Variants in DMD observed in about 807,000 individuals in gnomAD.
DMD encodes mutant dystrophin.
Under a neutral mutation model 330.1 loss-of-function variants are expected in DMD, and 63 were observed. The ratio of observed to expected loss-of-function variants is 0.19; its 90% CI spans 0.16 to 0.24. The LOEUF is 0.24. Ranked by LOEUF, DMD falls within the 10% of genes least tolerant of loss-of-function variation. The probability of loss-of-function intolerance (pLI) is 1.00; values close to 1 mark genes in which losing one functional copy is unlikely to be tolerated. For synonymous variants in DMD, 1,223 were observed against 959.8 expected (o/e 1.27, Z -5.07); for missense variants, 3,344 against 2,684.1 (o/e 1.25, Z -5.43).
At position 32,846,124 on chromosome X, in the gene DMD, T is replaced by C. The variant is rs147896445; in HGVS notation, c.187-1264A>G. On this transcript the variant is annotated intron_variant, in intron 3 of 78. Coordinates refer to ENST00000357033, the MANE Select transcript of DMD (RefSeq NM_004006.3). ...TCACATAGTTGGTCCAACATAAATA[T>C]TATTGACTTCGTAGTATGTGCCAAG... Among the ~76,000 whole-genome samples, 948 of 111,962 alleles carry C rather than the reference T, an allele frequency of 8.5e-3. 9 individuals are homozygous for C. The highest frequency in any genetic ancestry group is 0.051 in the East Asian group (182 of 3,546).
At chrX:33,207,823 G>A (rs2051668540) in intron 1 of DMD, among the ~76,000 whole-genome samples, 1 of 111,292 alleles carries the variant, frequency 9.0e-6, no homozygotes, top group African/African-American at 3.3e-5. Flanking sequence ...TCAGTATACT[G>A]CATTGAGCAC....
chrX:32,138,982 G>A (rs1049709319), intron 44 of DMD, among the ~76,000 whole-genome samples: 4 of 112,167 alleles, frequency 3.6e-5, no homozygotes, highest in South Asian at 3.6e-4. Flanking sequence ...ACCACTGGAC[G>A]GAACTTTTTT....
At chrX:33,265,379 A>T (rs1453304770) in intron 1 of DMD, among the ~76,000 whole-genome samples, 2 of 110,775 alleles carry the variant, frequency 1.8e-5, no homozygotes. Context: ...TTATTTATTT[A>T]TTTTTTTGCT....
chrX:32,205,059 G>A (rs901030978), intron 44 of DMD, among the ~76,000 whole-genome samples: 26 of 56,499 alleles, frequency 4.6e-4, no homozygotes, highest in South Asian at 2.5e-3. Context: ...ACACACAGTC[G>A]CAATTAAAAC....
chrX:32,974,864 T>G (rs1446338916), intron 2 of DMD, among the ~76,000 whole-genome samples: 1 of 111,993 alleles, frequency 8.9e-6, no homozygotes, highest in East Asian at 2.8e-4. Flanking sequence ...GAAAGACCAA[T>G]TCCTCCTAAT....
At chrX:32,782,022 G>A (rs564358437) in intron 7 of DMD, among the ~76,000 whole-genome samples, 43 of 111,436 alleles carry the variant, frequency 3.9e-4, no homozygotes, top group African/African-American at 1.4e-3. Context: ...ATTGTTGCTT[G>A]TCTAATCCTA....
At chrX:32,709,527 C>G (rs1476513183) in intron 7 of DMD, among the ~76,000 whole-genome samples, 3 of 111,778 alleles carry the variant, frequency 2.7e-5, no homozygotes, top group Non-Finnish European at 5.7e-5. Context: ...TCACACTTAG[C>G]TAAAAGCACT....
At chrX:32,281,505 A>T (rs2097420709) in intron 43 of DMD, among the ~76,000 whole-genome samples, 1 of 111,857 alleles carries the variant, frequency 8.9e-6, no homozygotes, top group Non-Finnish European at 1.9e-5. Flanking sequence ...AAACTTCCCT[A>T]AAGGAAACAC....
chrX:32,036,477 C>A (rs1221572756), intron 44 of DMD, among the ~76,000 whole-genome samples: 1 of 111,686 alleles, frequency 9.0e-6, no homozygotes, highest in East Asian at 2.8e-4. Flanking sequence ...GGTGTCCAGG[C>A]TTCTGCTTTA....
chrX:32,924,182 TA>T (rs1407203063), intron 2 of DMD, among the ~76,000 whole-genome samples: 1 of 111,559 alleles, frequency 9.0e-6, no homozygotes, highest in Non-Finnish European at 1.9e-5. Context: ...AATGTTTCCA[TA>T]AGTCTATGGA....
At position 32,766,401 on chromosome X, in the gene DMD, T is replaced by C. The variant is rs773061170; in HGVS notation, c.649+43092A>G. The stretch of plus-strand genomic sequence containing the variant: ...TTCAGGATTGTTTTGTAGTTGTCAG[T>C]GTATAAGTCTTCCACCTTCTTGGTT... On this transcript the variant is annotated intron_variant, in intron 7 of 78. Coordinates refer to ENST00000357033, the MANE Select transcript of DMD (RefSeq NM_004006.3). Among the ~76,000 whole-genome samples the C allele has an allele frequency of 3.8e-4, 43 of 111,764 alleles. 1 individual carries two copies. Among genetic ancestry groups the C allele is most frequent in the Middle Eastern group, 4.7e-3 (1 of 211 alleles).
At chrX:31,266,969 G>A in intron 62 of DMD, 1 of 1,016,224 alleles carries the variant, frequency 9.8e-7, no homozygotes, top group Non-Finnish European at 1.3e-6. Context: ...GAGCCGGCGC[G>A]GGCGGGCCGG....
At chrX:31,505,754 C>T (rs1489055741) in intron 56 of DMD, among the ~76,000 whole-genome samples, 16 of 111,285 alleles carry the variant, frequency 1.4e-4, no homozygotes, top group Non-Finnish European at 1.9e-5. Flanking sequence ...CTGCCTCAGC[C>T]TCCTGAGTAG....
chrX:31,940,401 G>A lies in DMD; in HGVS notation c.6615-8174C>T, dbSNP rs953846533. 1.2e-4 allele frequency among the ~76,000 whole-genome samples: 13 copies of A among 111,663 alleles called. No homozygotes were observed. The East Asian group carries it at 2.5e-3, about 22-fold the overall frequency. ...ACATGACTGAGTTCGAGCCAATGGA[G>A]TGTGAGCAAAAGTGATGCTCATGAA... On this transcript the variant is annotated intron_variant, in intron 45 of 78. Transcript: ENST00000357033.
chrX:32,533,433 T>C (rs1276124628), intron 17 of DMD, among the ~76,000 whole-genome samples: 1 of 112,089 alleles, frequency 8.9e-6, no homozygotes, highest in Admixed American at 9.5e-5. Context: ...CAATGAATTG[T>C]CACTTTCCTC....
intron 62 of DMD, among the ~76,000 whole-genome samples, chrX:31,311,395 C>T: frequency 8.9e-6 from 1 of 111,869 alleles, no homozygotes; most frequent in South Asian, 3.8e-4. Context: ...AAACACATTC[C>T]ATGACATTTA....
chrX:31,522,363 C>CTCTATATATATATATATA, intron 55 of DMD, among the ~76,000 whole-genome samples: 65 of 35,950 alleles, frequency 1.8e-3, no homozygotes, highest in African/African-American at 3.8e-3. Context: ...CTCTCTCTCT[C>CTCTATATATATATATATA]TATATATATA....
chrX:31,970,186 C>T lies in DMD; in HGVS notation c.6439-1672G>A, dbSNP rs772461490. Among the ~76,000 whole-genome samples, 36 of 109,958 alleles carry T rather than the reference C, an allele frequency of 3.3e-4. 1 individual carries two copies. The highest frequency in any genetic ancestry group is 6.1e-4 in the Non-Finnish European group (32 of 52,680). On this transcript the variant is annotated intron_variant, in intron 44 of 78. Transcript: ENST00000357033. ...TTTCAGTAAGCATTTGCTGAGTGAA[C>T]GCATGAATCTATGAATAAGGGAAGT...
At chrX:31,339,720 T>C (rs757745725) in intron 61 of DMD, among the ~76,000 whole-genome samples, 12 of 111,476 alleles carry the variant, frequency 1.1e-4, no homozygotes, top group Non-Finnish European at 2.1e-4. Flanking sequence ...GGATTACAGA[T>C]GCATGCCACC....
Sources: allele counts gnomAD v4.1 joint callset (sites outside exome capture counted in the v4.1 genomes callset), GRCh38; gene constraint gnomAD v4.1.1; transcripts MANE v1.5; gene names NCBI Gene and HGNC (gene_info 2026-07-23, HGNC 2026-07-21).